Variants in ACSM6 observed in about 807,000 individuals in gnomAD.
The protein encoded by ACSM6 is acyl-CoA synthetase medium chain family member 6.
ACSM6 carries 35 observed loss-of-function variants against 51.1 expected under a neutral mutation model. That is an observed-to-expected ratio of 0.69 (90% CI 0.52 to 0.91). The LOEUF (loss-of-function observed/expected upper bound fraction) is 0.91, where lower values mean the gene tolerates loss of function less well. ACSM6 is among the 40% of genes least tolerant of loss of function. ACSM6 has a pLI of 0.00. For synonymous variants in ACSM6, 172 were observed against 207.3 expected (o/e 0.83, Z 1.46); for missense variants, 509 against 584.1 (o/e 0.87, Z 1.32).
chr10:95,222,495 T>C (rs1275798360), intron 9 of ACSM6, among the ~76,000 whole-genome samples: 4 of 151,990 alleles, frequency 2.6e-5, no homozygotes, highest in African/African-American at 9.6e-5. Context: ...TGGTGGCATA[T>C]GACTGTAATC....
chr10:95,212,010 C>G (rs1362804105), exon 6 of ACSM6: 1 of 1,614,088 alleles, frequency 6.2e-7, no homozygotes, highest in African/African-American at 1.3e-5. Flanking sequence ...ACATGCCAAC[C>G]TTCTGCCCTG....
intron 8 of ACSM6, 82 bp from the exon 9 acceptor site, chr10:95,219,809 T>A (rs1217574154): frequency 7.7e-6 from 8 of 1,044,398 alleles, no homozygotes; most frequent in Non-Finnish European, 1.2e-5. Flanking sequence ...AGGAGGCACA[T>A]AATGTCTGGT....
At chr10:95,221,854 T>C (rs1426187223) in intron 9 of ACSM6, among the ~76,000 whole-genome samples, 2 of 152,084 alleles carry the variant, frequency 1.3e-5, no homozygotes, top group Non-Finnish European at 2.9e-5. Context: ...GCAAAAGCAT[T>C]CCACAAGATT....
At chr10:95,201,937 A>G in intron 2 of ACSM6, 48 bp from the exon 3 acceptor site, 1 of 1,509,798 alleles carries the variant, frequency 6.6e-7, no homozygotes, top group Non-Finnish European at 9.0e-7. Context: ...TCCCATAGCC[A>G]ATGTCCATGC....
At chr10:95,220,415 T>A (rs942384406) in intron 9 of ACSM6, among the ~76,000 whole-genome samples, 2 of 152,180 alleles carry the variant, frequency 1.3e-5, no homozygotes, top group African/African-American at 4.8e-5. Flanking sequence ...TCCCAAATGA[T>A]GTAGCTGAAT....
chr10:95,214,603 C>G (rs1354142370), intron 7 of ACSM6, among the ~76,000 whole-genome samples: 1 of 152,206 alleles, frequency 6.6e-6, no homozygotes, highest in East Asian at 1.9e-4. Flanking sequence ...TCAGTTAGCA[C>G]TGGTTGATTT....
chr10:95,217,956 T>C (rs953222664), intron 8 of ACSM6, among the ~76,000 whole-genome samples: 6 of 152,254 alleles, frequency 3.9e-5, no homozygotes, highest in Non-Finnish European at 8.8e-5. Flanking sequence ...ATTCTGTCTA[T>C]ACTACACTCA....
At chr10:95,222,182 T>C (rs555477159) in intron 9 of ACSM6, among the ~76,000 whole-genome samples, 1 of 152,304 alleles carries the variant, frequency 6.6e-6, no homozygotes, top group Non-Finnish European at 1.5e-5. Flanking sequence ...GAAAATTATA[T>C]TTCTACATAT....
intron 8 of ACSM6, among the ~76,000 whole-genome samples, chr10:95,216,827 C>T (rs1206980527): frequency 6.6e-6 from 1 of 152,134 alleles, no homozygotes; most frequent in Admixed American, 6.5e-5. Flanking sequence ...AGAATAGTTC[C>T]TTAACCACTC....
At chr10:95,201,439 AG>A (rs1198656910) in intron 2 of ACSM6, 2 of 454,316 alleles carry the variant, frequency 4.4e-6, no homozygotes, top group Non-Finnish European at 8.8e-6. Flanking sequence ...TATTTCCCAT[AG>A]GATAATGGCC....
intron 2 of ACSM6, 195 bp from the exon 3 acceptor site, chr10:95,201,790 G>A: frequency 1.6e-6 from 1 of 609,094 alleles, no homozygotes; most frequent in Non-Finnish European, 2.9e-6. Flanking sequence ...ACATTATGTT[G>A]AAACCTACCA....
At chr10:95,208,108 T>A (rs957696710) in intron 4 of ACSM6, among the ~76,000 whole-genome samples, 1 of 151,436 alleles carries the variant, frequency 6.6e-6, no homozygotes, top group Non-Finnish European at 1.5e-5. Flanking sequence ...ACCACTGCAC[T>A]CCAGCCTGGG....
chr10:95,207,492 G>A, intron 4 of ACSM6, 77 bp downstream of exon 4: 1 of 1,424,250 alleles, frequency 7.0e-7, no homozygotes, highest in Non-Finnish European at 9.8e-7. Flanking sequence ...ATGAGAAAGT[G>A]GTGTGAGTGG....
chr10:95,215,111 A>G (rs2034931802), intron 8 of ACSM6, 136 bp downstream of exon 8: 2 of 991,988 alleles, frequency 2.0e-6, no homozygotes, highest in African/African-American at 1.6e-5. Context: ...AATGGCTTAA[A>G]CTAGGGAGAC....
exon 11 of ACSM6, chr10:95,228,918 T>C (rs1275923501): frequency 1.1e-6 from 1 of 944,406 alleles, no homozygotes; most frequent in Non-Finnish European, 1.5e-6. Flanking sequence ...ATAAAACTCA[T>C]CCATAATCTC....
intron 2 of ACSM6, among the ~76,000 whole-genome samples, chr10:95,195,556 T>C (rs1000338299): frequency 1.3e-5 from 2 of 152,220 alleles, no homozygotes; most frequent in South Asian, 2.1e-4. Context: ...CAAGTCATTT[T>C]AACTCTCTGA....
intron 2 of ACSM6, among the ~76,000 whole-genome samples, chr10:95,201,062 A>G (rs1297042138): frequency 6.6e-6 from 1 of 152,210 alleles, no homozygotes; most frequent in Non-Finnish European, 1.5e-5. Context: ...CGTCCCACTG[A>G]AAAATAAGTT....
intron 9 of ACSM6, among the ~76,000 whole-genome samples, chr10:95,222,938 G>A (rs1196731275): frequency 1.3e-5 from 2 of 151,954 alleles, no homozygotes; most frequent in African/African-American, 2.4e-5. Flanking sequence ...CAGTTCCATG[G>A]GTGTTTACTT....
chr10:95,214,327 C>A (rs1334205918), intron 7 of ACSM6, among the ~76,000 whole-genome samples: 1 of 152,144 alleles, frequency 6.6e-6, no homozygotes, highest in African/African-American at 2.4e-5. Flanking sequence ...CTGGACATCA[C>A]CAAAATCAAA....
Sources: allele counts gnomAD v4.1 joint callset (sites outside exome capture counted in the v4.1 genomes callset), GRCh38; gene constraint gnomAD v4.1.1; transcripts MANE v1.5; gene names NCBI Gene and HGNC (gene_info 2026-07-23, HGNC 2026-07-21).